Variants in DAB1 observed in about 807,000 individuals in gnomAD.
DAB1 encodes disabled homolog 1.
In DAB1, 15 loss-of-function variants were observed where a neutral mutation model predicts 64.6. The observed-to-expected ratio is 0.23, with a 90% CI of 0.16 to 0.36. The LOEUF is 0.36. Among genes scored for constraint, DAB1 ranks in the 10% least tolerant of loss-of-function variants. The pLI is 1.00. For synonymous variants in DAB1, 235 were observed against 251.9 expected (o/e 0.93, Z 0.64); for missense variants, 596 against 706.7 (o/e 0.84, Z 1.78).
At chr1:58,192,750 A>G (rs1657457435) in intron 4 of DAB1, among the ~76,000 whole-genome samples, 2 of 152,162 alleles carry the variant, frequency 1.3e-5, no homozygotes, top group South Asian at 4.1e-4. Flanking sequence ...GCTATTGTGA[A>G]TAGTGCTGCA....
intron 5 of DAB1, chr1:58,049,061 G>A (rs538806655): frequency 6.4e-5 from 50 of 784,958 alleles, no homozygotes; most frequent in Admixed American, 4.3e-4. Context: ...CACCCACCTT[G>A]TGTGGCCTTG....
At chr1:57,678,424 G>A (rs891672965) in intron 6 of DAB1, among the ~76,000 whole-genome samples, 1 of 152,202 alleles carries the variant, frequency 6.6e-6, no homozygotes, top group Non-Finnish European at 1.5e-5. Context: ...CAGGTAGGGG[G>A]CAGGTTAGGC....
rs11455708 is a variant in DAB1, at chr1:57,488,401, C to CAA, written n.625+161189_625+161190dup. Among the ~76,000 whole-genome samples the CAA allele has an allele frequency of 0.018, 1,327 of 74,014 alleles. 49 individuals are homozygous for CAA. In the East Asian group the frequency reaches 0.18, roughly 10 times the overall value. The allele number at this position is 74,014 out of a possible 152,430, so 48.6% of individuals were successfully genotyped here. A position where few individuals can be genotyped will look rare whatever the true frequency, so the allele number is the denominator to read the frequency against. ...TGGGCGACAGAGCCAGATTCCGTCT[C>CAA]AAAAAAAAAAAAAAAAAAAAAGTTT... On this transcript the variant is annotated intron_variant and non_coding_transcript_variant, in intron 7 of 20. Coordinates refer to the DAB1 transcript ENST00000485760.
At chr1:58,203,569 G>A (rs1231741662) in intron 4 of DAB1, among the ~76,000 whole-genome samples, 1 of 152,170 alleles carries the variant, frequency 6.6e-6, no homozygotes, top group Non-Finnish European at 1.5e-5. Flanking sequence ...GGGAGCATGA[G>A]AATCACTGGG....
At chr1:57,019,418 A>G (rs1646542672) in intron 11 of DAB1, among the ~76,000 whole-genome samples, 1 of 152,148 alleles carries the variant, frequency 6.6e-6, no homozygotes, top group East Asian at 1.9e-4. Context: ...GAGAGCTATT[A>G]GCATGTCTCT....
intron 5 of DAB1, among the ~76,000 whole-genome samples, chr1:58,036,340 G>C (rs1341905686): frequency 6.6e-6 from 1 of 152,120 alleles, no homozygotes; most frequent in Admixed American, 6.5e-5. Flanking sequence ...TAATAAGGGA[G>C]AGCCCAGGGC....
At chr1:57,543,952 T>A (rs924319408) in intron 7 of DAB1, among the ~76,000 whole-genome samples, 9 of 151,844 alleles carry the variant, frequency 5.9e-5, no homozygotes, top group Middle Eastern at 6.8e-3. Context: ...ACAAAAAAAA[T>A]TAAAAATTAG....
intron 1 of DAB1, among the ~76,000 whole-genome samples, chr1:58,527,631 C>T (rs1401859899): frequency 6.6e-6 from 1 of 152,080 alleles, no homozygotes; most frequent in Non-Finnish European, 1.5e-5. Flanking sequence ...CTACTGAGTA[C>T]AGGATTCACT....
At chr1:58,057,723 A>G (rs961260168) in intron 5 of DAB1, among the ~76,000 whole-genome samples, 3 of 152,126 alleles carry the variant, frequency 2.0e-5, no homozygotes, top group African/African-American at 7.2e-5. Context: ...AAGAGAATAA[A>G]TTTCTATTGT....
chr1:58,391,136 G>A (rs1455516367), intron 3 of DAB1, among the ~76,000 whole-genome samples: 1 of 152,170 alleles, frequency 6.6e-6, no homozygotes, highest in African/African-American at 2.4e-5. Flanking sequence ...AGCAGAAGTG[G>A]CAACCCAGAG....
intron 4 of DAB1, among the ~76,000 whole-genome samples, chr1:58,255,740 C>T (rs1451190919): frequency 6.6e-6 from 1 of 152,066 alleles, no homozygotes; most frequent in Non-Finnish European, 1.5e-5. Flanking sequence ...AGTCCTTTTG[C>T]CAGATAAAAG....
chr1:57,109,285 G>A (rs1339075595), intron 4 of DAB1, among the ~76,000 whole-genome samples: 2 of 152,174 alleles, frequency 1.3e-5, no homozygotes, highest in South Asian at 4.1e-4. Context: ...TCATGTTGGG[G>A]TTCTAGCATG....
chr1:57,859,601 A>G (rs1485101510), intron 1 of DAB1, among the ~76,000 whole-genome samples: 1 of 152,156 alleles, frequency 6.6e-6, no homozygotes, highest in Admixed American at 6.5e-5. Context: ...AACTTTGCAC[A>G]ATGCTGTCTA....
At chr1:57,972,012 T>G (rs1398125602) in intron 5 of DAB1, among the ~76,000 whole-genome samples, 4 of 152,170 alleles carry the variant, frequency 2.6e-5, no homozygotes, top group African/African-American at 4.8e-5. Flanking sequence ...CACAAAACAT[T>G]TCCTATCGCC....
intron 5 of DAB1, among the ~76,000 whole-genome samples, chr1:58,121,243 G>A (rs537389821): frequency 1.2e-4 from 19 of 152,216 alleles, no homozygotes; most frequent in African/African-American, 4.6e-4. Context: ...TCCAAAACAT[G>A]AGCTGGATCA....
chr1:58,237,182 T>C (rs977738985), intron 4 of DAB1, among the ~76,000 whole-genome samples: 9 of 152,210 alleles, frequency 5.9e-5, no homozygotes, highest in Non-Finnish European at 1.2e-4. Flanking sequence ...GTAGAGTTCC[T>C]TGCACACAGT....
At chr1:58,546,220 T>C (rs111454456) in intron 1 of DAB1, among the ~76,000 whole-genome samples, 1 of 152,226 alleles carries the variant, frequency 6.6e-6, no homozygotes, top group African/African-American at 2.4e-5. Context: ...CGTGTTCAGT[T>C]TCTCCTGAAG....
intron 8 of DAB1, among the ~76,000 whole-genome samples, chr1:57,063,921 C>T (rs1650657618): frequency 6.6e-6 from 1 of 152,216 alleles, no homozygotes; most frequent in African/African-American, 2.4e-5. Context: ...GCTTAGCTCA[C>T]ACCCCCATTG....
chr1:57,249,691 T>C (rs1198241549), intron 2 of DAB1, among the ~76,000 whole-genome samples: 1 of 152,150 alleles, frequency 6.6e-6, no homozygotes, highest in Admixed American at 6.5e-5. Flanking sequence ...TGGTCCTACT[T>C]ACACTTTGAT....
Sources: allele counts gnomAD v4.1 joint callset (sites outside exome capture counted in the v4.1 genomes callset), GRCh38; gene constraint gnomAD v4.1.1; transcripts MANE v1.5; gene names NCBI Gene and HGNC (gene_info 2026-07-23, HGNC 2026-07-21).